Variants in FRYL observed in about 807,000 individuals in gnomAD.
The protein encoded by FRYL is protein furry homolog-like.
Under a neutral mutation model 351.2 loss-of-function variants are expected in FRYL, and 150 were observed. That is an observed-to-expected ratio of 0.43 (90% confidence interval 0.37 to 0.49). FRYL has a LOEUF of 0.49. Among genes scored for constraint, FRYL ranks in the 20% least tolerant of loss-of-function variants. The pLI is 0.00. For missense variants in FRYL, 3,036 were observed against 3,619.3 expected, an observed-to-expected ratio of 0.84 and a Z score of 4.13; for synonymous variants, 1,153 against 1,257.1, an observed-to-expected ratio of 0.92 and a Z score of 1.75.
At chr4:48,738,599 G>C (rs1771692431) in intron 1 of FRYL, among the ~76,000 whole-genome samples, 1 of 151,732 alleles carries the variant, frequency 6.6e-6, no homozygotes. Flanking sequence ...CTGAGCTCAA[G>C]TGATACTCCA....
chr4:48,604,413 G>A (rs989449229), intron 11 of FRYL, among the ~76,000 whole-genome samples: 28 of 152,202 alleles, frequency 1.8e-4, no homozygotes, highest in African/African-American at 6.8e-4. Context: ...TTAGGAAATA[G>A]GTCATTGCAG....
chr4:48,704,053 C>G (rs1267321016), intron 2 of FRYL, among the ~76,000 whole-genome samples: 2 of 151,740 alleles, frequency 1.3e-5, no homozygotes, highest in Non-Finnish European at 2.9e-5. Context: ...AGTGGAGACA[C>G]TAAATGTGGA....
rs540520895 is a variant in FRYL at position 48,717,275 on chromosome 4, T to TA, written c.-383-6578dup. ...TACCCTAAAACTTAAAGTATAATAA[T>TA]AAAAAAAAACAAAAAAACATTATGC... On this transcript the variant is annotated intron_variant, in intron 1 of 63. Coordinates refer to ENST00000358350, the MANE Select transcript of FRYL (RefSeq NM_015030.2). Among the ~76,000 whole-genome samples, 48 of 148,394 alleles carry TA rather than the reference T, an allele frequency of 3.2e-4. 1 individual carries two copies. In the South Asian group the frequency reaches 3.7e-3, roughly 11 times the overall value.
Position 48,547,745 on chromosome 4 carries a change from A to G in FRYL, c.4913T>C (p.Val1638Ala). The G allele has an allele frequency of 6.5e-7, 1 of 1,540,028 alleles. No homozygotes were observed. Among genetic ancestry groups the G allele is most frequent in the Non-Finnish European group, 8.8e-7 (1 of 1,132,884 alleles). Residue 1638 changes from valine to alanine, a missense_variant, in exon 41 of 64, where the codon GTG becomes GCG. Physicochemically the swap from Val to Ala is moderately conservative, Grantham distance 64. Transcript: ENST00000358350. ...FIGFDHCHPE[V>A]YEHCKRLLLH... ...AAGCAGGCGTTTACAATGTTCATAC[A>G]CCTCAGGGTGGCAGTGGTCAAACCC...
chr4:48,545,000 G>C, intron 42 of FRYL, 96 bp from the exon 43 acceptor site: 1 of 1,287,978 alleles, frequency 7.8e-7, no homozygotes, highest in Non-Finnish European at 1.1e-6. Context: ...CAATTAGAAA[G>C]GATGGTAGTT....
intron 33 of FRYL, among the ~76,000 whole-genome samples, chr4:48,560,501 GAC>G (rs1735245106): frequency 6.6e-6 from 1 of 152,136 alleles, no homozygotes; most frequent in Non-Finnish European, 1.5e-5. Context: ...CCTAGGCGAT[GAC>G]ATGACATTCT....
intron 53 of FRYL, chr4:48,523,569 T>C (rs1185292272): frequency 1.3e-5 from 2 of 154,242 alleles, no homozygotes; most frequent in Non-Finnish European, 2.9e-5. Flanking sequence ...CACTACACTT[T>C]TGGGGCAAAC....
intron 1 of FRYL, among the ~76,000 whole-genome samples, chr4:48,742,973 A>ATT (rs71191256): frequency 1.7e-4 from 14 of 81,730 alleles, no homozygotes; most frequent in Admixed American, 3.8e-4. Flanking sequence ...CGCCTGGATA[A>ATT]TTTTTTTTTT....
At chr4:48,530,022 A>G (rs1727182827) in intron 50 of FRYL, among the ~76,000 whole-genome samples, 1 of 152,082 alleles carries the variant, frequency 6.6e-6, no homozygotes, top group South Asian at 2.1e-4. Context: ...CACTTATACA[A>G]CACTGAAACC....
At chr4:48,673,860 TTA>T (rs1279562042) in intron 3 of FRYL, among the ~76,000 whole-genome samples, 1 of 152,216 alleles carries the variant, frequency 6.6e-6, no homozygotes, top group Non-Finnish European at 1.5e-5. Flanking sequence ...CACGCTCAGC[TTA>T]TGTTCTATTT....
chr4:48,606,412 T>G, intron 10 of FRYL, 26 bp downstream of exon 10: 1 of 1,519,280 alleles, frequency 6.6e-7, no homozygotes, highest in East Asian at 2.3e-5. Flanking sequence ...CTTGCTCTAT[T>G]TACTGTCATT....
At chr4:48,620,546 G>T in intron 6 of FRYL, 93 bp downstream of exon 6, 1 of 1,277,648 alleles carries the variant, frequency 7.8e-7, no homozygotes, top group South Asian at 1.5e-5. Flanking sequence ...GTTTGCTTAG[G>T]AATCAAACAA....
At chr4:48,749,818 G>T (rs917412571) in intron 1 of FRYL, among the ~76,000 whole-genome samples, 1 of 152,022 alleles carries the variant, frequency 6.6e-6, no homozygotes, top group African/African-American at 2.4e-5. Context: ...CAATCCAAAG[G>T]TCTGTCTAGT....
chr4:48,644,629 A>G, intron 3 of FRYL, among the ~76,000 whole-genome samples: 1 of 151,920 alleles, frequency 6.6e-6, no homozygotes, highest in Admixed American at 6.6e-5. Context: ...AAATAAATAT[A>G]CTATACTCAA....
At chr4:48,617,334 GA>G (rs957513644) in intron 7 of FRYL, among the ~76,000 whole-genome samples, 123 of 127,668 alleles carry the variant, frequency 9.6e-4, no homozygotes, top group African/African-American at 2.4e-3. Flanking sequence ...GTCCACCAAA[GA>G]AAAAAAAAAA....
chr4:48,644,446 TATAACA>T (rs1755967040), intron 3 of FRYL, among the ~76,000 whole-genome samples: 1 of 135,140 alleles, frequency 7.4e-6, no homozygotes, highest in African/African-American at 2.8e-5. Context: ...CAGAACATAA[TATAACA>T]ATAATCAACT....
In FRYL at chr4:48,598,288, C is replaced by A. The variant is rs181112348; in HGVS notation, c.1036-2288G>T. Among the ~76,000 whole-genome samples the A allele has an allele frequency of 1.4e-3, 214 of 152,254 alleles. 1 individual carries two copies. Among genetic ancestry groups the A allele is most frequent in the African/African-American group, 4.6e-3 (190 of 41,538 alleles). On this transcript the variant is annotated intron_variant, in intron 13 of 63. Coordinates refer to ENST00000358350, the MANE Select transcript of FRYL (RefSeq NM_015030.2). Reference sequence around the variant, plus strand: ...ATTTGTCAGTACTGTATTCCATTAACTTAAAGAGTAGACTTGGATTCTTTG... The same window carrying A: ...ATTTGTCAGTACTGTATTCCATTAAATTAAAGAGTAGACTTGGATTCTTTG...
intron 4 of FRYL, among the ~76,000 whole-genome samples, chr4:48,632,218 T>A (rs1753352551): frequency 6.8e-6 from 1 of 147,438 alleles, no homozygotes; most frequent in South Asian, 2.1e-4. Context: ...TAAAACATTT[T>A]ATAAAATAAA....
chr4:48,722,685 A>G (rs1769624223), intron 1 of FRYL, among the ~76,000 whole-genome samples: 1 of 152,242 alleles, frequency 6.6e-6, no homozygotes, highest in Non-Finnish European at 1.5e-5. Flanking sequence ...TGATGTAACA[A>G]AAAGTCAGTG....
Sources: gnomAD v4.1 joint callset for allele counts (sites outside exome capture counted in the v4.1 genomes callset) on GRCh38, gnomAD v4.1.1 for gene constraint, MANE v1.5 for transcripts, NCBI Gene and HGNC (gene_info 2026-07-23, HGNC 2026-07-21) for gene names.